LAMA2: variants seen among roughly 807,000 people sequenced by gnomAD.
LAMA2 encodes the protein laminin subunit alpha 2.
In LAMA2, 269 loss-of-function variants were observed where a neutral mutation model predicts 364.8. The ratio of observed to expected loss-of-function variants is 0.74; its 90% CI spans 0.67 to 0.82. The LOEUF is 0.82. Ranked by LOEUF, LAMA2 falls within the 40% of genes least tolerant of loss-of-function variation. LAMA2 has a pLI of 0.00. For synonymous variants in LAMA2, 1,379 were observed against 1,370.6 expected, an observed-to-expected ratio of 1.01 and a Z score of -0.14; for missense variants, 3,807 against 3,873.2, an observed-to-expected ratio of 0.98 and a Z score of 0.45.
At chr6:129,368,228 A>G (rs1777880413) in intron 33 of LAMA2, among the ~76,000 whole-genome samples, 1 of 152,176 alleles carries the variant, frequency 6.6e-6, no homozygotes, top group Admixed American at 6.5e-5. Flanking sequence ...CAACACATGG[A>G]TATTAGAAGG....
chr6:128,926,000 G>C (rs1316703029), intron 1 of LAMA2, among the ~76,000 whole-genome samples: 1 of 151,828 alleles, frequency 6.6e-6, no homozygotes, highest in Non-Finnish European at 1.5e-5. Flanking sequence ...ACTCTCCATT[G>C]GTCCTTTACC....
intron 35 of LAMA2, 42 bp from the exon 36 acceptor site, chr6:129,391,449 T>C: frequency 6.6e-7 from 1 of 1,506,198 alleles, no homozygotes; most frequent in Non-Finnish European, 9.2e-7. Flanking sequence ...TCATGTGGCA[T>C]GTTTGTTTAC....
intron 60 of LAMA2, 124 bp downstream of exon 60, chr6:129,503,404 A>C: frequency 1.1e-6 from 1 of 871,112 alleles, no homozygotes; most frequent in Non-Finnish European, 1.9e-6. Flanking sequence ...CTAAAAATAA[A>C]ATAAGTGCCA....
rs750030088 is a variant in LAMA2 at position 129,478,765 on chromosome 6, A to T, written c.7524A>T (p.Ile2508=). 3.7e-6 allele frequency: 6 copies of T among 1,612,722 alleles called. No homozygotes were observed. The highest frequency in any genetic ancestry group is 5.1e-6 in the Non-Finnish European group (6 of 1,178,764). ...DIEISRTPYN[I]LSSPDYVGVT... ...AAATTTCAAGAACTCCGTACAATAT[A>T]CTCAGTAGTCCCGATTATGTTGGTG... is the stretch of plus-strand genomic sequence containing the variant. Residue 2508 remains isoleucine, a synonymous_variant, in exon 54 of 65, where the codon ATA becomes ATT. Transcript: ENST00000421865.
At chr6:128,952,946 G>T (rs867936897) in intron 1 of LAMA2, among the ~76,000 whole-genome samples, 3 of 152,002 alleles carry the variant, frequency 2.0e-5, no homozygotes, top group Non-Finnish European at 2.9e-5. Flanking sequence ...TTTCACTAGG[G>T]TTTTCTCTGT....
Position 129,131,599 on chromosome 6 carries a change from T to A in LAMA2, c.640-12302T>A, listed in dbSNP as rs9492244. Among the ~76,000 whole-genome samples, 466 of 152,336 alleles carry A rather than the reference T, an allele frequency of 3.1e-3. 3 individuals are homozygous for A. The highest frequency in any genetic ancestry group is 9.4e-3 in the African/African-American group (389 of 41,568). ...GAGAGGTCCCTTTGTGTACTCTGTT[T>A]CTTTGAAGGAACTAGGGATCTGTTG... On this transcript the variant is annotated intron_variant, in intron 4 of 64. Coordinates refer to ENST00000421865, the MANE Select transcript of LAMA2 (RefSeq NM_000426.4).
At chr6:129,179,877 TTA>T (rs1213465849) in intron 10 of LAMA2, among the ~76,000 whole-genome samples, 3 of 152,226 alleles carry the variant, frequency 2.0e-5, no homozygotes, top group African/African-American at 7.2e-5. Flanking sequence ...CATCACAGAA[TTA>T]TATATCACAA....
chr6:129,409,552 TTGA>T (rs1313468738), intron 40 of LAMA2, among the ~76,000 whole-genome samples: 1 of 152,230 alleles, frequency 6.6e-6, no homozygotes, highest in African/African-American at 2.4e-5. Flanking sequence ...GCATGGTGAC[TTGA>T]TGACCTACAG....
At chr6:129,210,877 G>A (rs1488363566) in intron 12 of LAMA2, among the ~76,000 whole-genome samples, 1 of 152,048 alleles carries the variant, frequency 6.6e-6, no homozygotes. Flanking sequence ...TACAGTGGTC[G>A]ACAGAGTTCA....
chr6:129,059,408 A>T (rs1788729672), intron 2 of LAMA2, among the ~76,000 whole-genome samples: 2 of 152,222 alleles, frequency 1.3e-5, no homozygotes, highest in Admixed American at 1.3e-4. Flanking sequence ...GGCATACTAG[A>T]GCTGTCTCAA....
intron 1 of LAMA2, among the ~76,000 whole-genome samples, chr6:128,974,847 G>A (rs1782421188): frequency 6.8e-6 from 1 of 148,068 alleles, no homozygotes; most frequent in South Asian, 2.1e-4. Context: ...AATTTAATGA[G>A]TAACAATTTT....
intron 2 of LAMA2, among the ~76,000 whole-genome samples, chr6:129,056,780 G>A (rs1788517434): frequency 6.6e-6 from 1 of 152,112 alleles, no homozygotes. Context: ...ACCTAGGCTG[G>A]AGTGCAATGG....
chr6:129,103,366 C>A (rs1474163061), intron 4 of LAMA2, among the ~76,000 whole-genome samples: 1 of 152,140 alleles, frequency 6.6e-6, no homozygotes, highest in Non-Finnish European at 1.5e-5. Context: ...ATTCCCTCAT[C>A]CAGCTATCCC....
At chr6:129,413,388 C>A (rs1002895047) in intron 40 of LAMA2, among the ~76,000 whole-genome samples, 2 of 151,940 alleles carry the variant, frequency 1.3e-5, no homozygotes, top group African/African-American at 4.8e-5. Context: ...ATAGATCAAG[C>A]AAAGAGACAC....
intron 59 of LAMA2, 139 bp downstream of exon 59, chr6:129,502,910 G>T: frequency 1.2e-6 from 1 of 866,410 alleles, no homozygotes; most frequent in East Asian, 2.6e-5. Context: ...ATAGAGAATA[G>T]AATTTTATTT....
chr6:128,936,205 C>A (rs573688869), intron 1 of LAMA2, among the ~76,000 whole-genome samples: 20 of 152,302 alleles, frequency 1.3e-4, no homozygotes, highest in Non-Finnish European at 2.1e-4. Flanking sequence ...CAGTTTCGGG[C>A]AGTTCTTTAT....
At chr6:129,438,115 C>T (rs917519179) in intron 41 of LAMA2, among the ~76,000 whole-genome samples, 1 of 151,548 alleles carries the variant, frequency 6.6e-6, no homozygotes, top group African/African-American at 2.4e-5. Context: ...AGAAAAATGA[C>T]TATTATCAGA....
chr6:128,969,246 ATGT>A (rs1275780702), intron 1 of LAMA2, among the ~76,000 whole-genome samples: 3 of 152,176 alleles, frequency 2.0e-5, no homozygotes, highest in African/African-American at 7.2e-5. Context: ...TGACAATAAC[ATGT>A]TGTAATAATC....
chr6:129,363,670 C>G (rs1777597110), intron 32 of LAMA2, among the ~76,000 whole-genome samples: 1 of 152,190 alleles, frequency 6.6e-6, no homozygotes, highest in South Asian at 2.1e-4. Context: ...CATTCTCAGT[C>G]AGAGACTAAG....
Sources: allele counts gnomAD v4.1 joint callset (sites outside exome capture counted in the v4.1 genomes callset), GRCh38; gene constraint gnomAD v4.1.1; transcripts MANE v1.5; gene names NCBI Gene and HGNC (gene_info 2026-07-23, HGNC 2026-07-21).